The following ACSM5 variants were observed in gnomAD, a reference collection of about 807,000 sequenced individuals.
The protein encoded by ACSM5 is acyl-coenzyme A synthetase ACSM5, mitochondrial.
A neutral mutation model predicts 71.6 loss-of-function variants in ACSM5; 56 were observed. The ratio of observed to expected loss-of-function variants is 0.78; its 90% confidence interval spans 0.63 to 0.98. The LOEUF is 0.98. Ranked by LOEUF, ACSM5 falls within the 50% of genes least tolerant of loss-of-function variation. ACSM5 has a pLI of 0.00. For synonymous variants in ACSM5, 285 were observed against 281.5 expected (o/e 1.01, Z -0.12); for missense variants, 723 against 726.0 (o/e 1.00, Z 0.05).
In ACSM5 at chr16:20,437,118, A is replaced by G. The variant is rs762887194; in HGVS notation, c.1375A>G (p.Met459Val). The change falls in exon 11 of 14, where the codon ATG (methionine) becomes GTG (valine). Residue 459 changes from methionine to valine, a missense_variant. Transcript: ENST00000331849. ...TTACATCACAGGGGACCGAGCTCGC[A>G]TGGACAAGGATGGCTACTTTTGGTT... is the stretch of plus-strand genomic sequence containing the variant. The part of the protein sequence containing the change: ...DFYITGDRAR[M>V]DKDGYFWFMG... 6.2e-7 allele frequency: 1 copy of G among 1,614,178 alleles called. No individual in the cohort carries two copies. Among genetic ancestry groups the G allele is most frequent in the Non-Finnish European group, 8.5e-7 (1 of 1,180,028 alleles).
chr16:20,411,245 C>T (rs1382291183), intron 1 of ACSM5, among the ~76,000 whole-genome samples: 2 of 152,148 alleles, frequency 1.3e-5, no homozygotes, highest in African/African-American at 2.4e-5. Context: ...ACCTCAGACC[C>T]AGATACCCAC....
rs1272938903 is a variant in ACSM5, at chr16:20,440,678, C to T, written c.*251C>T. 9.3e-6 allele frequency: 4 copies of T among 432,034 alleles called. No individual in the cohort carries two copies. The highest frequency in any genetic ancestry group is 7.0e-5 in the Admixed American group (2 of 28,750). The allele number at this position is 432,034 out of a possible 1,614,324, so 26.8% of individuals were successfully genotyped here. On this transcript the variant is annotated 3_prime_UTR_variant, in exon 14 of 14. Coordinates refer to ENST00000331849, the MANE Select transcript of ACSM5 (RefSeq NM_017888.3). The stretch of plus-strand genomic sequence containing the variant: ...TTCGACTTCTCCCTCTGTCTGGGGG[C>T]AGGCTCAGCATCTGCCCACTGGTCT...
chr16:20,437,383 A>G lies in ACSM5; in HGVS notation c.1536+16A>G. The stretch of plus-strand genomic sequence containing the variant: ...CAGGGGAGAGGTAACCAGTGCACCC[A>G]AGAACATGGCCTCCTGCTTCTGTAC... On this transcript the variant is annotated intron_variant, in intron 12 of 13. Transcript: ENST00000331849. 2 of 1,561,772 alleles carry G rather than the reference A, an allele frequency of 1.3e-6. No individual in the cohort carries two copies. The highest frequency in any genetic ancestry group is 1.8e-6 in the Non-Finnish European group (2 of 1,133,220).
rs777435072 is a variant in ACSM5 at position 20,431,329 on chromosome 16, A to T, written c.1308+8A>T. Reference sequence around the variant, plus strand: ...TTCTTCAATTGCTATTTGGTAAGAGACGGGGAACAGCCGTTCTCATGACAG... The same window carrying T: ...TTCTTCAATTGCTATTTGGTAAGAGTCGGGGAACAGCCGTTCTCATGACAG... On this transcript the variant is annotated splice_region_variant and intron_variant, in intron 10 of 13. Coordinates refer to ENST00000331849, the MANE Select transcript of ACSM5 (RefSeq NM_017888.3). 2 of 1,609,652 alleles carry T rather than the reference A, an allele frequency of 1.2e-6. No individual in the cohort carries two copies. The highest frequency in any genetic ancestry group is 1.7e-6 in the Non-Finnish European group (2 of 1,175,904).
rs146312585 is a variant in ACSM5, at chr16:20,418,225, G to T, written c.371G>T (p.Arg124Leu). Reference sequence around the variant, plus strand: ...GACAGAATGATGCTGGTACTCCCACGGCTCCCGGAGTGGTGGCTGGTCAGT... The same window carrying T: ...GACAGAATGATGCTGGTACTCCCACTGCTCCCGGAGTGGTGGCTGGTCAGT... Reference protein sequence around the residue: ...PGDRMMLVLPRLPEWWLVSVA... With the variant: ...PGDRMMLVLPLLPEWWLVSVA... The change falls in exon 3 of 14, where the codon CGG (arginine) becomes CTG (leucine). Residue 124 changes from arginine to leucine, a missense_variant. Transcript: ENST00000331849. The T allele has an allele frequency of 1.2e-6, 2 of 1,612,326 alleles. No individual in the cohort carries two copies. The highest frequency in any genetic ancestry group is 1.7e-6 in the Non-Finnish European group (2 of 1,179,808).
chr16:20,412,607 C>A (rs572571528), intron 2 of ACSM5, among the ~76,000 whole-genome samples: 1 of 152,134 alleles, frequency 6.6e-6, no homozygotes, highest in Non-Finnish European at 1.5e-5. Context: ...AGACATACTT[C>A]TAAAACTGTA....
chr16:20,417,971 T>C (rs1270548960), intron 2 of ACSM5, 88 bp from the exon 3 acceptor site: 2 of 1,264,924 alleles, frequency 1.6e-6, no homozygotes, highest in Non-Finnish European at 2.2e-6. Flanking sequence ...AATTTTATAT[T>C]AACTATTATA....
At position 20,418,124 on chromosome 16, in the gene ACSM5, G is replaced by C. The variant is rs750407162; in HGVS notation, c.270G>C (p.Trp90Cys). 2 of 1,613,836 alleles carry C rather than the reference G, an allele frequency of 1.2e-6. No homozygotes were observed. Among genetic ancestry groups the C allele is most frequent in the South Asian group, 1.1e-5 (1 of 91,066 alleles). ...WVNGTGAEIK[W>C]SFEELGKQSR... ...ATGGCACAGGAGCAGAGATCAAGTG[G>C]AGCTTTGAGGAGCTGGGGAAGCAGT... is the stretch of plus-strand genomic sequence containing the variant. Residue 90 changes from tryptophan (W) to cysteine (C), a missense_variant, in exon 3 of 14, where the codon TGG (tryptophan) becomes TGC (cysteine). Physicochemically the swap from Trp to Cys is radical, Grantham distance 215 (BLOSUM62 -2). Coordinates refer to ENST00000331849, the MANE Select transcript of ACSM5 (RefSeq NM_017888.3).
Position 20,411,598 on chromosome 16 carries a change from C to A in ACSM5, c.114C>A (p.Thr38=), listed in dbSNP as rs1283760615. 6.2e-7 allele frequency: 1 copy of A among 1,614,054 alleles called. No individual in the cohort carries two copies. The highest frequency in any genetic ancestry group is 2.2e-5 in the East Asian group (1 of 44,876). ...PLPVPQKIVA[T]WEAISLGRQL... is the part of the protein sequence containing the mutation. ...CTGTTCCTCAGAAGATCGTGGCCAC[C>A]TGGGAAGCCATCAGCCTGGGAAGGC... is the stretch of plus-strand genomic sequence containing the variant. The change falls in exon 2 of 14, where the codon ACC becomes ACA. Residue 38 remains threonine, a synonymous_variant. Coordinates refer to ENST00000331849, the MANE Select transcript of ACSM5 (RefSeq NM_017888.3).
At chr16:20,426,072 C>T (rs986882726) in intron 6 of ACSM5, among the ~76,000 whole-genome samples, 1 of 152,322 alleles carries the variant, frequency 6.6e-6, no homozygotes, top group Non-Finnish European at 1.5e-5. Context: ...TCCTTGTTCA[C>T]TGCATCCATG....
intron 2 of ACSM5, among the ~76,000 whole-genome samples, chr16:20,413,204 A>G (rs1966850748): frequency 6.6e-6 from 1 of 152,318 alleles, no homozygotes. Context: ...GTATCCTTAG[A>G]AGACTTCTCC....
intron 10 of ACSM5, among the ~76,000 whole-genome samples, chr16:20,435,977 T>C (rs1967185351): frequency 6.6e-6 from 1 of 150,906 alleles, no homozygotes; most frequent in African/African-American, 2.4e-5. Flanking sequence ...CTTCCTTCCT[T>C]TTTTCTTTCT....
At chr16:20,436,419 G>A (rs1237581919) in intron 10 of ACSM5, among the ~76,000 whole-genome samples, 3 of 152,092 alleles carry the variant, frequency 2.0e-5, no homozygotes, top group South Asian at 4.1e-4. Context: ...AGCCCAGGCT[G>A]GAGTGCAGTG....
chr16:20,429,762 T>C lies in ACSM5; in HGVS notation c.1086T>C (p.Thr362=), dbSNP rs8063682. 611,882 of 1,547,036 alleles carry C rather than the reference T, an allele frequency of 0.4. 139,541 individuals are homozygous for C. The highest frequency in any genetic ancestry group is 0.8 in the East Asian group (35,358 of 44,048). Residue 362 remains threonine (T), a synonymous_variant, in exon 8 of 14, where the codon ACT becomes ACC. Transcript: ENST00000331849. ...PDVREKWKHQ[T]GVELYEGYGQ... is the part of the protein sequence containing the mutation. ...TGAGGGAGAAGTGGAAACACCAGAC[T>C]GGTGTGGAGCTGTACGAAGGCTATG...
intron 6 of ACSM5, among the ~76,000 whole-genome samples, chr16:20,427,554 G>T (rs1464381357): frequency 1.3e-5 from 2 of 152,236 alleles, no homozygotes; most frequent in Admixed American, 6.5e-5. Context: ...CATCACCTTG[G>T]CAGTATGCCA....
Position 20,440,434 on chromosome 16 carries a change from C to T in ACSM5, c.*7C>T, listed in dbSNP as rs774962638. On this transcript the variant is annotated 3_prime_UTR_variant, in exon 14 of 14. Coordinates refer to ENST00000331849, the MANE Select transcript of ACSM5 (RefSeq NM_017888.3). ...TCAGGAGTGGGGGAAATGAGGTGCA[C>T]CCCAGGAAGGCCCCGTAGACCTCCG... 1.2e-5 allele frequency: 19 copies of T among 1,608,488 alleles called. No individual in the cohort carries two copies. Among genetic ancestry groups the T allele is most frequent in the Non-Finnish European group, 1.2e-5 (14 of 1,175,222 alleles).
chr16:20,421,574 G>C (rs1318123885), intron 5 of ACSM5, among the ~76,000 whole-genome samples, 173 bp downstream of exon 5: 1 of 147,472 alleles, frequency 6.8e-6, no homozygotes, highest in Non-Finnish European at 1.5e-5. Flanking sequence ...TTTACTCTGA[G>C]TGAGGTGAAA....
chr16:20,436,529 C>T (rs1417645212), intron 10 of ACSM5, among the ~76,000 whole-genome samples: 1 of 152,126 alleles, frequency 6.6e-6, no homozygotes, highest in African/African-American at 2.4e-5. Context: ...CACCACCACA[C>T]CCAGCTAATT....
At chr16:20,430,903 A>G (rs1401061518) in intron 8 of ACSM5, 90 bp from the exon 9 acceptor site, 3 of 872,504 alleles carry the variant, frequency 3.4e-6, no homozygotes, top group Non-Finnish European at 5.4e-6. Flanking sequence ...GATGAGAGAA[A>G]GAGTTATCAG....
Sources: gnomAD v4.1 joint callset for allele counts (sites outside exome capture counted in the v4.1 genomes callset) on GRCh38, gnomAD v4.1.1 for gene constraint, MANE v1.5 for transcripts, NCBI Gene and HGNC (gene_info 2026-07-23, HGNC 2026-07-21) for gene names.